The following BMP6 variants were observed in gnomAD, a reference collection of about 807,000 sequenced individuals.
The protein encoded by BMP6 is VG-1-R.
Under a neutral mutation model 54.1 loss-of-function variants are expected in BMP6, and 17 were observed. The observed-to-expected ratio is 0.31, with a 90% CI of 0.22 to 0.47. The LOEUF is 0.47. BMP6 is among the 20% of genes least tolerant of loss of function. The pLI, the probability that BMP6 is intolerant of heterozygous loss-of-function variation, is 1.00. For synonymous variants in BMP6, 328 were observed against 291.2 expected, an observed-to-expected ratio of 1.13 and a Z score of -1.28; for missense variants, 720 against 690.4, an observed-to-expected ratio of 1.04 and a Z score of -0.48.
At chr6:7,842,966 G>T (rs1213000529) in intron 1 of BMP6, among the ~76,000 whole-genome samples, 1 of 152,210 alleles carries the variant, frequency 6.6e-6, no homozygotes, top group African/African-American at 2.4e-5. Flanking sequence ...ATAGAGAAAA[G>T]CTGTGTGACT....
intron 1 of BMP6, among the ~76,000 whole-genome samples, chr6:7,771,339 G>A (rs1245984578): frequency 6.6e-6 from 1 of 152,164 alleles, no homozygotes; most frequent in East Asian, 1.9e-4. Flanking sequence ...ATGTTTGTGG[G>A]ACTCTACCGG....
chr6:7,735,276 A>G (rs1761936760), intron 1 of BMP6, among the ~76,000 whole-genome samples: 1 of 152,220 alleles, frequency 6.6e-6, no homozygotes, highest in African/African-American at 2.4e-5. Context: ...GTACGTGAAC[A>G]TGGGCTGGAA....
chr6:7,767,658 A>G (rs1757712792), intron 1 of BMP6, among the ~76,000 whole-genome samples: 1 of 152,244 alleles, frequency 6.6e-6, no homozygotes, highest in African/African-American at 2.4e-5. Context: ...TTTCTTATCC[A>G]GGAACCAGTT....
chr6:7,742,926 C>T (rs956928510), intron 1 of BMP6, among the ~76,000 whole-genome samples: 4 of 152,102 alleles, frequency 2.6e-5, no homozygotes, highest in African/African-American at 7.2e-5. Context: ...CTTCTTATCC[C>T]ACTTAAATTT....
At chr6:7,856,630 T>G (rs1759241855) in intron 2 of BMP6, among the ~76,000 whole-genome samples, 1 of 135,718 alleles carries the variant, frequency 7.4e-6, no homozygotes, top group Non-Finnish European at 1.6e-5. Context: ...GGAGTCTCGC[T>G]CTGTCGCCCA....
chr6:7,730,650 T>A (rs1761837992), intron 1 of BMP6, among the ~76,000 whole-genome samples: 1 of 152,222 alleles, frequency 6.6e-6, no homozygotes, highest in Non-Finnish European at 1.5e-5. Context: ...GGGTAAAATC[T>A]GATTGCCATG....
chr6:7,880,053 A>C lies in BMP6; in HGVS notation c.1344A>C (p.Pro448=). The change falls in exon 6 of 7, where the codon CCA becomes CCC. Residue 448 remains proline, a synonymous_variant. Coordinates refer to ENST00000283147, the MANE Select transcript of BMP6 (RefSeq NM_001718.6). ...ANYCDGECSF[P]LNAHMNATNH... ...ACTGTGATGGAGAATGCTCCTTCCC[A>C]CTCAACGCACACATGAATGCAACCA... The C allele has an allele frequency of 8.7e-6, 14 of 1,614,140 alleles. No homozygotes were observed. The highest frequency in any genetic ancestry group is 1.1e-5 in the Non-Finnish European group (13 of 1,180,032).
At chr6:7,788,443 C>T (rs188133387) in intron 1 of BMP6, among the ~76,000 whole-genome samples, 194 of 152,286 alleles carry the variant, frequency 1.3e-3, no homozygotes, top group African/African-American at 4.5e-3. Context: ...GACTGGCTGC[C>T]TTCAAATCCT....
intron 1 of BMP6, among the ~76,000 whole-genome samples, chr6:7,785,207 A>C (rs1758003792): frequency 6.6e-6 from 1 of 152,240 alleles, no homozygotes; most frequent in African/African-American, 2.4e-5. Flanking sequence ...CTAGTGTCAT[A>C]AGAAGCAAAG....
intron 1 of BMP6, among the ~76,000 whole-genome samples, chr6:7,761,903 C>CTT (rs1757618883): frequency 6.6e-6 from 1 of 152,078 alleles, no homozygotes; most frequent in Non-Finnish European, 1.5e-5. Flanking sequence ...GATTTCTTTT[C>CTT]TTTTCTTTTT....
At chr6:7,871,744 C>T (rs1759528135) in intron 4 of BMP6, among the ~76,000 whole-genome samples, 1 of 152,178 alleles carries the variant, frequency 6.6e-6, no homozygotes, top group South Asian at 2.1e-4. Context: ...GCTGGGGAGC[C>T]TTGGGGTCCC....
intron 1 of BMP6, among the ~76,000 whole-genome samples, chr6:7,838,280 A>G (rs1200678897): frequency 1.3e-5 from 2 of 152,218 alleles, no homozygotes; most frequent in African/African-American, 2.4e-5. Context: ...GTATGCACGT[A>G]TAGGAAGAAA....
At chr6:7,815,601 G>A (rs1758513434) in intron 1 of BMP6, among the ~76,000 whole-genome samples, 1 of 152,158 alleles carries the variant, frequency 6.6e-6, no homozygotes, top group South Asian at 2.1e-4. Flanking sequence ...ACAGTATTAT[G>A]AAAACATTTT....
In BMP6 at chr6:7,879,066, TCCAA is replaced by T; in HGVS notation, c.1205-6_1205-3del. On this transcript the variant is annotated splice_region_variant and splice_polypyrimidine_tract_variant and intron_variant, in intron 4 of 6. Coordinates refer to ENST00000283147, the MANE Select transcript of BMP6 (RefSeq NM_001718.6). ...TTGATGGGTGCATCTTTTGATCTCC[TCCAA>T]CAGATTACAACAGCAGTGAATTGAA... 6.2e-7 allele frequency: 1 copy of T among 1,613,012 alleles called. No homozygotes were observed. The highest frequency in any genetic ancestry group is 8.5e-7 in the Non-Finnish European group (1 of 1,178,984).
intron 1 of BMP6, among the ~76,000 whole-genome samples, chr6:7,753,526 T>G (rs1757457681): frequency 6.6e-6 from 1 of 152,194 alleles, no homozygotes. Context: ...ACAGCCCTCC[T>G]TCTGCACAGC....
chr6:7,821,660 T>C (rs1758613454), intron 1 of BMP6, among the ~76,000 whole-genome samples: 1 of 151,986 alleles, frequency 6.6e-6, no homozygotes, highest in Non-Finnish European at 1.5e-5. Flanking sequence ...ACTTTCTTCT[T>C]TGAGAGTCAG....
intron 1 of BMP6, among the ~76,000 whole-genome samples, chr6:7,795,606 T>G (rs1262826573): frequency 6.6e-6 from 1 of 152,104 alleles, no homozygotes; most frequent in Non-Finnish European, 1.5e-5. Flanking sequence ...ACCAGACTTG[T>G]GTTTTTAGGT....
In BMP6 at chr6:7,727,326, C is replaced by A. The variant is rs537870091; in HGVS notation, c.371C>A (p.Pro124His). Residue 124 changes from proline (P) to histidine (H), a missense_variant, in exon 1 of 7, where the codon CCC becomes CAC. Physicochemically the swap from Pro to His is moderately conservative, Grantham distance 77. Coordinates refer to ENST00000283147, the MANE Select transcript of BMP6 (RefSeq NM_001718.6). ...QQQQQLPRGEPPPGRLKSAPL... is the reference protein window; with the variant it reads ...QQQQQLPRGEHPPGRLKSAPL... ...CAGCAGCAGCTGCCTCGCGGAGAGC[C>A]CCCTCCCGGGCGACTGAAGTCCGCG... 1 of 1,609,248 alleles carries A rather than the reference C, an allele frequency of 6.2e-7. No individual in the cohort carries two copies. The highest frequency in any genetic ancestry group is 2.2e-5 in the East Asian group (1 of 44,776).
At chr6:7,826,451 A>G (rs1232632729) in intron 1 of BMP6, among the ~76,000 whole-genome samples, 5 of 152,142 alleles carry the variant, frequency 3.3e-5, no homozygotes, top group African/African-American at 9.7e-5. Flanking sequence ...GGTTTGAATG[A>G]CCTGCAGGCT....
Sources: allele counts gnomAD v4.1 joint callset (sites outside exome capture counted in the v4.1 genomes callset), GRCh38; gene constraint gnomAD v4.1.1; transcripts MANE v1.5; gene names NCBI Gene and HGNC (gene_info 2026-07-23, HGNC 2026-07-21).